The following TFEC variants were observed in gnomAD, a reference collection of about 807,000 sequenced individuals.
TFEC encodes the protein class E basic helix-loop-helix protein 34.
A neutral mutation model predicts 41.6 loss-of-function variants in TFEC; 31 were observed. The observed-to-expected ratio is 0.74, with a 90% confidence interval of 0.56 to 1.01. The LOEUF is 1.01. Among genes scored for constraint, TFEC ranks in the 50% least tolerant of loss-of-function variants. TFEC has a pLI of 0.00. For missense variants in TFEC, 402 were observed against 404.1 expected, an observed-to-expected ratio of 0.99 and a Z score of 0.04; for synonymous variants, 143 against 140.6, an observed-to-expected ratio of 1.02 and a Z score of -0.12.
At chr7:115,958,825 T>G (rs1161555873) in intron 3 of TFEC, among the ~76,000 whole-genome samples, 2 of 151,904 alleles carry the variant, frequency 1.3e-5, no homozygotes, top group Non-Finnish European at 2.9e-5. Flanking sequence ...CTTCTCTATT[T>G]CATGTAAATG....
intron 3 of TFEC, among the ~76,000 whole-genome samples, chr7:116,045,587 G>A (rs1796144364): frequency 6.6e-6 from 1 of 152,220 alleles, no homozygotes; most frequent in Non-Finnish European, 1.5e-5. Flanking sequence ...GAATTGCCTC[G>A]ATGCCCAGGC....
chr7:116,107,426 A>G (rs1047216459), intron 3 of TFEC, among the ~76,000 whole-genome samples: 3 of 152,208 alleles, frequency 2.0e-5, no homozygotes, highest in Non-Finnish European at 4.4e-5. Context: ...CTGGAGCTGA[A>G]TAACATTAAA....
intron 3 of TFEC, among the ~76,000 whole-genome samples, chr7:116,038,171 C>T (rs1168049972): frequency 2.0e-5 from 3 of 151,990 alleles, no homozygotes; most frequent in Non-Finnish European, 4.4e-5. Flanking sequence ...TTTAATTCTT[C>T]TATAATACCA....
chr7:116,141,843 T>G (rs1233678683), intron 1 of TFEC, among the ~76,000 whole-genome samples: 5 of 152,176 alleles, frequency 3.3e-5, no homozygotes, highest in Admixed American at 3.3e-4. Context: ...ATATCAATAG[T>G]TTTCTAAGAA....
intron 3 of TFEC, among the ~76,000 whole-genome samples, chr7:116,073,944 G>T (rs1432152099): frequency 6.6e-6 from 1 of 151,722 alleles, no homozygotes; most frequent in Non-Finnish European, 1.5e-5. Context: ...CTTTCAGCAA[G>T]GGTGCTCAGA....
At chr7:116,087,442 T>C (rs1005797589) in intron 3 of TFEC, among the ~76,000 whole-genome samples, 4 of 152,022 alleles carry the variant, frequency 2.6e-5, no homozygotes, top group Non-Finnish European at 5.9e-5. Flanking sequence ...TCTATTCTAC[T>C]CTCCATATCT....
At chr7:115,951,115 T>A (rs916195490) in intron 5 of TFEC, among the ~76,000 whole-genome samples, 166 bp from the exon 6 acceptor site, 2 of 152,094 alleles carry the variant, frequency 1.3e-5, no homozygotes, top group Non-Finnish European at 2.9e-5. Context: ...ATTCTAAAAG[T>A]AAAGGTTTCA....
At chr7:116,068,998 T>C (rs1796760599) in intron 3 of TFEC, among the ~76,000 whole-genome samples, 2 of 151,668 alleles carry the variant, frequency 1.3e-5, no homozygotes, top group African/African-American at 2.4e-5. Flanking sequence ...TAGGCAAATA[T>C]GATTCTTTAA....
intron 1 of TFEC, among the ~76,000 whole-genome samples, chr7:116,118,929 C>T (rs1271349569): frequency 6.6e-6 from 1 of 151,680 alleles, no homozygotes; most frequent in Non-Finnish European, 1.5e-5. Context: ...CTATCTGTGT[C>T]AAAAAGTCTA....
In TFEC at chr7:116,048,666, A is replaced by G. The variant is rs1054130002; in HGVS notation, c.198+62042T>C. On this transcript the variant is annotated intron_variant, in intron 3 of 8. Transcript: ENST00000484212. ...ATACTCCTCAAGAAGAGCAACTCCA[A>G]GACACATAATTGTCAGATTCATCAA... Among the ~76,000 whole-genome samples, 3 of 152,344 alleles carry G rather than the reference A, an allele frequency of 2.0e-5. No homozygotes were observed. In the East Asian group the frequency reaches 5.8e-4, roughly 29 times the overall value.
intron 1 of TFEC, among the ~76,000 whole-genome samples, chr7:116,000,992 C>G (rs1045426108): frequency 8.0e-5 from 12 of 150,802 alleles, no homozygotes; most frequent in African/African-American, 2.4e-4. Context: ...ACAAAACACC[C>G]AGGATATCCA....
intron 3 of TFEC, among the ~76,000 whole-genome samples, chr7:115,969,111 T>C (rs888232334): frequency 3.3e-5 from 5 of 151,792 alleles, no homozygotes; most frequent in South Asian, 2.1e-4. Flanking sequence ...TTCAATACTA[T>C]GTGTGAATTT....
intron 3 of TFEC, among the ~76,000 whole-genome samples, chr7:116,073,884 T>C (rs1796889066): frequency 6.6e-6 from 1 of 151,866 alleles, no homozygotes; most frequent in African/African-American, 2.4e-5. Flanking sequence ...CATAGATCAA[T>C]AGAATAAAAT....
At chr7:116,018,007 A>G (rs980887465) in intron 1 of TFEC, among the ~76,000 whole-genome samples, 1 of 151,836 alleles carries the variant, frequency 6.6e-6, no homozygotes, top group Non-Finnish European at 1.5e-5. Flanking sequence ...CTTAATAAAT[A>G]TTAATTAAAT....
At chr7:116,149,503 T>TA (rs1360330819) in intron 1 of TFEC, among the ~76,000 whole-genome samples, 1 of 152,142 alleles carries the variant, frequency 6.6e-6, no homozygotes, top group African/African-American at 2.4e-5. Flanking sequence ...TCTATAATTT[T>TA]ATAAGGAGAA....
intron 3 of TFEC, among the ~76,000 whole-genome samples, chr7:115,963,351 G>A (rs1238772582): frequency 4.6e-5 from 7 of 151,748 alleles, no homozygotes; most frequent in Admixed American, 4.6e-4. Context: ...ACGTGAAATG[G>A]TGCAGCCATT....
At chr7:116,041,962 G>A (rs552721411) in intron 3 of TFEC, among the ~76,000 whole-genome samples, 6 of 152,118 alleles carry the variant, frequency 3.9e-5, no homozygotes, top group African/African-American at 1.4e-4. Flanking sequence ...TTCACCTTCT[G>A]CTGACAATCT....
chr7:116,032,076 T>C (rs1233429707), upstream of TFEC, among the ~76,000 whole-genome samples: 2 of 152,174 alleles, frequency 1.3e-5, no homozygotes, highest in African/African-American at 4.8e-5. Context: ...GAAATACATT[T>C]GCGAGCTTCA....
chr7:116,069,608 T>C (rs1328589062), intron 3 of TFEC, among the ~76,000 whole-genome samples: 1 of 151,752 alleles, frequency 6.6e-6, no homozygotes, highest in Non-Finnish European at 1.5e-5. Context: ...TGTAGAGTTT[T>C]AATGAGCACT....
Sources: allele counts gnomAD v4.1 joint callset (sites outside exome capture counted in the v4.1 genomes callset), GRCh38; gene constraint gnomAD v4.1.1; transcripts MANE v1.5; gene names NCBI Gene and HGNC (gene_info 2026-07-23, HGNC 2026-07-21).